PCNX1: variants seen among roughly 807,000 people sequenced by gnomAD.
PCNX1 encodes the protein pecanex-like protein 1.
Under a neutral mutation model 242.2 loss-of-function variants are expected in PCNX1, and 78 were observed. The ratio of observed to expected loss-of-function variants is 0.32; its 90% CI spans 0.27 to 0.39. The LOEUF (loss-of-function observed/expected upper bound fraction) is 0.39, where lower values mean the gene tolerates loss of function less well. Among genes scored for constraint, PCNX1 ranks in the 10% least tolerant of loss-of-function variants. The pLI is 1.00. For missense variants in PCNX1, 2,581 were observed against 2,856.5 expected (o/e 0.90, Z 2.20); for synonymous variants, 1,024 against 1,032.9 (o/e 0.99, Z 0.17).
rs767601688 is a variant in PCNX1, at chr14:71,033,938, G to C, written c.3676G>C (p.Val1226Leu). The change falls in exon 18 of 36, where the codon GTG (valine) becomes CTG (leucine). Residue 1226 changes from valine (V) to leucine (L), a missense_variant. Val to Leu is a conservative substitution (Grantham distance 32). Coordinates refer to ENST00000304743, the MANE Select transcript of PCNX1 (RefSeq NM_014982.3). ...TTTTTTCTTCACATAAAGCTCTTTA[G>C]TGCAATCCAAGATTTTTCCAAAAAC... ...SSDPSVLFSL[V>L]QSKIFPKTEE... is the part of the protein sequence containing the mutation. 2 of 1,573,984 alleles carry C rather than the reference G, an allele frequency of 1.3e-6. No homozygotes were observed. The highest frequency in any genetic ancestry group is 4.5e-5 in the East Asian group (2 of 44,356).
At chr14:71,092,906 A>G (rs1190661310) in intron 30 of PCNX1, 1 of 152,200 alleles carries the variant, frequency 6.6e-6, no homozygotes, top group Non-Finnish European at 1.5e-5. Context: ...GAAGTCAGGA[A>G]GTACCTTGCC....
chr14:71,011,432 TA>T, intron 9 of PCNX1, 59 bp from the exon 10 acceptor site: 1 of 899,964 alleles, frequency 1.1e-6, no homozygotes, highest in Non-Finnish European at 1.8e-6. Flanking sequence ...ATCTGAATGT[TA>T]AAGGATATAT....
intron 23 of PCNX1, 48 bp downstream of exon 23, chr14:71,050,808 A>G: frequency 6.5e-7 from 1 of 1,548,344 alleles, no homozygotes. Flanking sequence ...CATATCCTAG[A>G]TAAGAATGTT....
intron 26 of PCNX1, among the ~76,000 whole-genome samples, chr14:71,058,490 C>T (rs571608813): frequency 1.6e-4 from 25 of 152,360 alleles, no homozygotes; most frequent in Non-Finnish European, 3.1e-4. Flanking sequence ...TACTGAATAT[C>T]TTTCCAGTCT....
At chr14:70,925,079 C>T (rs916775519) in intron 1 of PCNX1, among the ~76,000 whole-genome samples, 3 of 152,024 alleles carry the variant, frequency 2.0e-5, no homozygotes, top group Admixed American at 2.0e-4. Flanking sequence ...ACCTCCACCT[C>T]CTGGCTTCAA....
chr14:70,949,128 GTACATATACACATATGTA>G, intron 2 of PCNX1, among the ~76,000 whole-genome samples: 1 of 124,362 alleles, frequency 8.0e-6, no homozygotes, highest in Middle Eastern at 5.5e-3. Flanking sequence ...GTGTATATAT[GTACATATACACATATGTA>G]TATGTGTATA....
In PCNX1 at chr14:71,044,562, C is replaced by T. The variant is rs138104378; in HGVS notation, c.3868-571C>T. 835 of 152,476 alleles carry T rather than the reference C, an allele frequency of 5.5e-3. 4 individuals are homozygous for T. Among genetic ancestry groups the T allele is most frequent in the Non-Finnish European group, 9.3e-3 (632 of 68,212 alleles). The allele number at this position is 152,476 out of a possible 1,614,324, so 9.4% of individuals were successfully genotyped here. The stretch of plus-strand genomic sequence containing the variant: ...CAGGAAGGAACAGATGACCCTCCTG[C>T]GAAGCATGAGGGGTAGCAGTGGAGA... On this transcript the variant is annotated intron_variant, in intron 19 of 35. Coordinates refer to ENST00000304743, the MANE Select transcript of PCNX1 (RefSeq NM_014982.3).
chr14:70,911,645 T>C (rs1039446323), intron 1 of PCNX1, among the ~76,000 whole-genome samples: 10 of 152,176 alleles, frequency 6.6e-5, no homozygotes, highest in Non-Finnish European at 1.5e-4. Context: ...TTGGCTTTGT[T>C]ATTGATTGTG....
chr14:71,095,672 G>A (rs1321552386), intron 30 of PCNX1, among the ~76,000 whole-genome samples: 1 of 152,002 alleles, frequency 6.6e-6, no homozygotes, highest in Non-Finnish European at 1.5e-5. Context: ...TGAATTAATT[G>A]TAACATGCTA....
intron 3 of PCNX1, among the ~76,000 whole-genome samples, chr14:70,964,488 C>T (rs1325592620): frequency 1.3e-5 from 2 of 152,164 alleles, no homozygotes; most frequent in African/African-American, 2.4e-5. Context: ...AATGAAATAA[C>T]TCAATTCTTG....
At chr14:71,014,691 A>AG (rs75683976) in intron 11 of PCNX1, among the ~76,000 whole-genome samples, 44,943 of 152,048 alleles carry the variant, frequency 0.3, 6,647 homozygotes, top group Middle Eastern at 0.4. Context: ...ATGAAACAGA[A>AG]GAGTCCACTG....
At chr14:70,998,075 A>G (rs923446037) in intron 8 of PCNX1, among the ~76,000 whole-genome samples, 4 of 152,168 alleles carry the variant, frequency 2.6e-5, no homozygotes, top group African/African-American at 9.7e-5. Flanking sequence ...ACACACATAC[A>G]TGTTTGAGTG....
rs569326736 is a variant in PCNX1, at chr14:70,955,268, A to G, written c.363-6958A>G. 3.3e-5 allele frequency among the ~76,000 whole-genome samples: 5 copies of G among 152,324 alleles called. No homozygotes were observed. In the South Asian group the frequency reaches 6.2e-4, roughly 19 times the overall value. On this transcript the variant is annotated intron_variant, in intron 2 of 35. Transcript: ENST00000304743. ...AGTAATGCTTATGATATTGTAAACT[A>G]CGGATCAATTTAAACTGTATGAAGC...
chr14:71,090,779 A>G (rs1054756045), intron 30 of PCNX1, among the ~76,000 whole-genome samples: 2 of 152,264 alleles, frequency 1.3e-5, no homozygotes, highest in African/African-American at 4.8e-5. Context: ...AACTTCTTCA[A>G]TTAATTCTAA....
chr14:71,056,404 C>G (rs2061183286), intron 25 of PCNX1, among the ~76,000 whole-genome samples: 1 of 152,164 alleles, frequency 6.6e-6, no homozygotes. Context: ...TCCTGCATAA[C>G]CAAAGGCCAT....
intron 13 of PCNX1, among the ~76,000 whole-genome samples, chr14:71,024,109 G>A (rs1159521283): frequency 6.6e-6 from 1 of 152,084 alleles, no homozygotes; most frequent in East Asian, 1.9e-4. Flanking sequence ...TAACATTTAT[G>A]ATATTTGCTT....
intron 8 of PCNX1, among the ~76,000 whole-genome samples, chr14:71,007,947 T>G (rs34998980): frequency 0.12 from 18,981 of 152,076 alleles, 1,520 homozygotes; most frequent in African/African-American, 0.21. Context: ...GAATGACTTA[T>G]GACTAAAAGA....
At chr14:71,018,895 A>G in intron 11 of PCNX1, 114 bp from the exon 12 acceptor site, 1 of 849,798 alleles carries the variant, frequency 1.2e-6, no homozygotes. Context: ...TCAGTACCAA[A>G]AAGACATCTT....
chr14:71,035,563 C>T (rs1234181960), intron 18 of PCNX1, among the ~76,000 whole-genome samples: 1 of 150,474 alleles, frequency 6.6e-6, no homozygotes, highest in Non-Finnish European at 1.5e-5. Flanking sequence ...AGTTCGAGAT[C>T]AGCCTGGCCA....
Sources: allele counts gnomAD v4.1 joint callset (sites outside exome capture counted in the v4.1 genomes callset), GRCh38; gene constraint gnomAD v4.1.1; transcripts MANE v1.5; gene names NCBI Gene and HGNC (gene_info 2026-07-23, HGNC 2026-07-21).